The following MATN2 variants were observed in gnomAD, a reference collection of about 807,000 sequenced individuals.
The protein encoded by MATN2 is matrilin-2.
In MATN2, 69 loss-of-function variants were observed where a neutral mutation model predicts 103.2. The ratio of observed to expected loss-of-function variants is 0.67; its 90% CI spans 0.55 to 0.82. The LOEUF is 0.82. Ranked by LOEUF, MATN2 falls within the 40% of genes least tolerant of loss-of-function variation. The probability of loss-of-function intolerance (pLI) is 0.00; values close to 1 mark genes in which losing one functional copy is unlikely to be tolerated. For synonymous variants in MATN2, 429 were observed against 450.2 expected (o/e 0.95, Z 0.60); for missense variants, 1,023 against 1,211.5 (o/e 0.84, Z 2.31).
intron 4 of MATN2, among the ~76,000 whole-genome samples, chr8:97,947,322 T>A (rs1810784769): frequency 6.6e-6 from 1 of 152,114 alleles, no homozygotes. Context: ...TGAGCCAAGA[T>A]TGCACCACTG....
At chr8:97,881,676 C>T (rs946272704) in intron 1 of MATN2, among the ~76,000 whole-genome samples, 4 of 152,218 alleles carry the variant, frequency 2.6e-5, no homozygotes, top group African/African-American at 9.6e-5. Flanking sequence ...GAACTGTTCT[C>T]AAATATCATT....
In MATN2 at chr8:98,007,671, C is replaced by A; in HGVS notation, c.1573+70C>A. On this transcript the variant is annotated intron_variant, in intron 10 of 18. Transcript: ENST00000254898. The surrounding 1 kb of genome is among the most constrained non-coding windows in gnomAD (Gnocchi z 4.2). ...GGTGCCGGTGTGGGTGCGCTGCCGA[C>A]GTGTATATGTGCCTGTGTGTCCTGT... 2 of 1,541,046 alleles carry A rather than the reference C, an allele frequency of 1.3e-6. No homozygotes were observed. Among genetic ancestry groups the A allele is most frequent in the Non-Finnish European group, 1.8e-6 (2 of 1,133,524 alleles).
In MATN2 at chr8:97,874,723, C is replaced by CT. The variant is rs879510033; in HGVS notation, c.-27+5448dup. ...AGCCACCATGCCCTGACCTCTTCTA[C>CT]TTTTTTTTTTTTGAGACAGAGTCTT... On this transcript the variant is annotated intron_variant, in intron 1 of 18. Transcript: ENST00000254898. Among the ~76,000 whole-genome samples, 601 of 144,286 alleles carry CT rather than the reference C, an allele frequency of 4.2e-3. 6 individuals carry two copies. Among genetic ancestry groups the CT allele is most frequent in the African/African-American group, 0.012 (493 of 39,634 alleles). The allele number at this position is 144,286 out of a possible 152,430, so 94.7% of individuals were successfully genotyped here.
At position 98,007,166 on chromosome 8, in the gene MATN2, T is replaced by C; in HGVS notation, c.1389T>C (p.Asp463=). ...GCEQLCLNTE[D]SFVCQCSEGF... is the part of the protein sequence containing the mutation. ...AGCAGCTGTGTCTGAACACGGAGGA[T>C]TCCTTCGTCTGCCAGTGCTCAGAAG... The change falls in exon 9 of 19, where the codon GAT becomes GAC. Residue 463 remains aspartate (D), a synonymous_variant. Coordinates refer to ENST00000254898, the MANE Select transcript of MATN2 (RefSeq NM_002380.5). The surrounding 1 kb of genome is among the most constrained non-coding windows in gnomAD (Gnocchi z 4.2). 6.2e-7 allele frequency: 1 copy of C among 1,613,698 alleles called. No individual in the cohort carries two copies. The highest frequency in any genetic ancestry group is 1.1e-5 in the South Asian group (1 of 91,016).
At chr8:97,922,936 C>G (rs1255242336) in intron 2 of MATN2, among the ~76,000 whole-genome samples, 1 of 152,130 alleles carries the variant, frequency 6.6e-6, no homozygotes, top group South Asian at 2.1e-4. Flanking sequence ...CCTCTGTATC[C>G]CCAGGCCCTG....
intron 16 of MATN2, 42 bp downstream of exon 16, chr8:98,032,359 G>T (rs1278729047): frequency 6.7e-7 from 1 of 1,482,106 alleles, no homozygotes; most frequent in East Asian, 2.4e-5. Context: ...TTTGGTGGAG[G>T]GAACCATGGT....
At chr8:97,977,262 AAAAGAC>A (rs1445075787) in intron 5 of MATN2, among the ~76,000 whole-genome samples, 11 of 151,080 alleles carry the variant, frequency 7.3e-5, no homozygotes, top group African/African-American at 2.2e-4. Flanking sequence ...AAAAAAAAAA[AAAAGAC>A]AAGAAATTTG....
intron 4 of MATN2, among the ~76,000 whole-genome samples, chr8:97,961,008 T>C (rs1003984236): frequency 2.0e-5 from 3 of 152,158 alleles, no homozygotes; most frequent in Admixed American, 1.3e-4. Flanking sequence ...AGAGATGAGG[T>C]TTCACCATGT....
intron 4 of MATN2, chr8:97,951,029 A>G (rs1037801185): frequency 6.6e-6 from 1 of 152,290 alleles, no homozygotes; most frequent in African/African-American, 2.4e-5. Flanking sequence ...TCAAAGCTAG[A>G]AGGGCGAGCA....
At chr8:97,914,083 C>G (rs1256065553) in intron 2 of MATN2, among the ~76,000 whole-genome samples, 4 of 152,156 alleles carry the variant, frequency 2.6e-5, no homozygotes, top group Non-Finnish European at 5.9e-5. Context: ...ACTCAACTCC[C>G]AGAGACAAAG....
intron 15 of MATN2, among the ~76,000 whole-genome samples, chr8:98,030,923 A>C (rs188068789): frequency 0.01 from 1,594 of 152,188 alleles, 18 homozygotes; most frequent in African/African-American, 0.036. Flanking sequence ...ACAGCCTCCC[A>C]AAGTGCTGGG....
intron 5 of MATN2, among the ~76,000 whole-genome samples, chr8:97,976,128 C>CTT (rs34975103): frequency 1.3e-4 from 19 of 146,724 alleles, no homozygotes; most frequent in Admixed American, 4.1e-4. Flanking sequence ...TAGACTGAAA[C>CTT]TTTTTTTTTT....
intron 3 of MATN2, among the ~76,000 whole-genome samples, chr8:97,932,789 C>T (rs1810241424): frequency 6.6e-6 from 1 of 152,214 alleles, no homozygotes; most frequent in Non-Finnish European, 1.5e-5. Flanking sequence ...TCCCTGTCCC[C>T]TCCAGCTACC....
At chr8:98,021,841 T>A (rs1021599397) in intron 13 of MATN2, among the ~76,000 whole-genome samples, 1 of 152,220 alleles carries the variant, frequency 6.6e-6, no homozygotes, top group African/African-American at 2.4e-5. Context: ...ATACCTTTTT[T>A]TAACCTATTA....
chr8:97,960,355 G>A (rs1563692443), intron 4 of MATN2, among the ~76,000 whole-genome samples: 1 of 152,250 alleles, frequency 6.6e-6, no homozygotes, highest in East Asian at 1.9e-4. Flanking sequence ...CAATGGTACA[G>A]CTAGCTGTTT....
At chr8:98,032,072 C>A (rs1190355773) in intron 15 of MATN2, 174 bp from the exon 16 acceptor site, 2 of 568,250 alleles carry the variant, frequency 3.5e-6, no homozygotes, top group Non-Finnish European at 6.3e-6. Context: ...CTAGAGTGGT[C>A]ATAAGTATCA....
At chr8:98,024,110 C>T (rs115095913) in intron 13 of MATN2, among the ~76,000 whole-genome samples, 3,774 of 152,246 alleles carry the variant, frequency 0.025, 142 homozygotes, top group African/African-American at 0.086. Context: ...AAGTGATGGG[C>T]TGATAGGTGC....
At chr8:97,967,582 C>T (rs13259735) in intron 5 of MATN2, among the ~76,000 whole-genome samples, 15,604 of 152,298 alleles carry the variant, frequency 0.1, 1,035 homozygotes, top group Non-Finnish European at 0.16. Flanking sequence ...GAAGGGCAGC[C>T]ATTACATTTT....
At chr8:97,879,457 G>T (rs529527600) in intron 1 of MATN2, among the ~76,000 whole-genome samples, 14 of 152,278 alleles carry the variant, frequency 9.2e-5, no homozygotes, top group African/African-American at 3.4e-4. Context: ...CAAGGGAAGG[G>T]CCAGTAGATG....
Sources: gnomAD v4.1 joint callset for allele counts (sites outside exome capture counted in the v4.1 genomes callset) on GRCh38, gnomAD v4.1.1 for gene constraint, Gnocchi (gnomAD v3.1) non-coding constraint, MANE v1.5 for transcripts, NCBI Gene and HGNC (gene_info 2026-07-23, HGNC 2026-07-21) for gene names.